SORCS1: variants seen among roughly 807,000 people sequenced by gnomAD.
The protein encoded by SORCS1 is VPS10 domain-containing receptor SorCS1.
In SORCS1, 60 loss-of-function variants were observed where a neutral mutation model predicts 146.1. That is an observed-to-expected ratio of 0.41 (90% CI 0.33 to 0.51). SORCS1 has a LOEUF of 0.51. Among genes scored for constraint, SORCS1 ranks in the 20% least tolerant of loss-of-function variants. SORCS1 has a pLI of 0.21. For missense variants in SORCS1, 1,352 were observed against 1,487.6 expected (o/e 0.91, Z 1.50); for synonymous variants, 637 against 584.0 (o/e 1.09, Z -1.31).
chr10:106,770,865 C>T (rs1250053122), intron 4 of SORCS1, among the ~76,000 whole-genome samples: 1 of 152,186 alleles, frequency 6.6e-6, no homozygotes, highest in Admixed American at 6.5e-5. Flanking sequence ...AGTTGTACTT[C>T]TTGCCTGTTT....
intron 3 of SORCS1, among the ~76,000 whole-genome samples, chr10:106,812,227 C>T (rs1460107163): frequency 6.6e-6 from 1 of 152,118 alleles, no homozygotes; most frequent in Non-Finnish European, 1.5e-5. Flanking sequence ...GTCTCGATCT[C>T]CTGACCTCAT....
intron 2 of SORCS1, among the ~76,000 whole-genome samples, chr10:106,954,408 C>A (rs778551936): frequency 6.6e-6 from 1 of 152,064 alleles, no homozygotes; most frequent in Non-Finnish European, 1.5e-5. Flanking sequence ...TAGGTGCGGG[C>A]TCCTTAATGC....
chr10:106,624,587 C>T (rs1026208528), intron 19 of SORCS1, among the ~76,000 whole-genome samples: 3 of 151,884 alleles, frequency 2.0e-5, no homozygotes, highest in Non-Finnish European at 4.4e-5. Context: ...TCTCGAATTT[C>T]CAATCTCAGG....
intron 2 of SORCS1, among the ~76,000 whole-genome samples, chr10:106,832,161 C>G (rs1288469869): frequency 1.3e-5 from 2 of 150,734 alleles, no homozygotes; most frequent in East Asian, 3.9e-4. Context: ...TCTTTCCTAG[C>G]CCAGTCCACT....
chr10:106,963,510 A>T (rs1390601640), intron 1 of SORCS1, among the ~76,000 whole-genome samples: 1 of 152,174 alleles, frequency 6.6e-6, no homozygotes, highest in East Asian at 1.9e-4. Context: ...CATGTTCCAG[A>T]TTGTGTGTCT....
intron 2 of SORCS1, among the ~76,000 whole-genome samples, chr10:106,880,816 C>G (rs576651954): frequency 6.6e-6 from 1 of 151,996 alleles, no homozygotes; most frequent in East Asian, 1.9e-4. Flanking sequence ...AAGCCGGGCA[C>G]GGTGGCTCAC....
At chr10:107,153,247 T>C (rs1369835987) in intron 1 of SORCS1, among the ~76,000 whole-genome samples, 1 of 152,172 alleles carries the variant, frequency 6.6e-6, no homozygotes, top group Non-Finnish European at 1.5e-5. Flanking sequence ...TAAACATCCT[T>C]ACTGTGGCCT....
chr10:106,639,677 T>G (rs761819870), intron 18 of SORCS1, among the ~76,000 whole-genome samples: 43 of 152,124 alleles, frequency 2.8e-4, no homozygotes, highest in Non-Finnish European at 4.4e-4. Context: ...AGGAATAACA[T>G]AGGAGAAAGC....
chr10:107,180,551 A>G, the SORCS1 span, among the ~76,000 whole-genome samples: 6 of 151,392 alleles, frequency 4.0e-5, no homozygotes, highest in South Asian at 2.1e-4. Context: ...TGGGTTGTCA[A>G]TTTTTTTATA....
chr10:107,021,450 C>G (rs1958129110), intron 1 of SORCS1, among the ~76,000 whole-genome samples: 1 of 127,726 alleles, frequency 7.8e-6, no homozygotes, highest in South Asian at 2.6e-4. Flanking sequence ...GGAGGCAGAA[C>G]TTGCAGTGAG....
At chr10:106,719,670 C>A (rs1395443902) in intron 6 of SORCS1, among the ~76,000 whole-genome samples, 1 of 152,126 alleles carries the variant, frequency 6.6e-6, no homozygotes, top group Non-Finnish European at 1.5e-5. Flanking sequence ...CTCGGCCTTC[C>A]AAAGTGCTGG....
At chr10:106,621,995 C>A (rs527961901) in intron 19 of SORCS1, among the ~76,000 whole-genome samples, 1 of 151,948 alleles carries the variant, frequency 6.6e-6, no homozygotes, top group Non-Finnish European at 1.5e-5. Context: ...TTAAGATTCC[C>A]GTGATTGGGA....
chr10:107,169,691 G>T (rs1022580695), upstream of SORCS1, among the ~76,000 whole-genome samples: 1 of 152,122 alleles, frequency 6.6e-6, no homozygotes, highest in Non-Finnish European at 1.5e-5. Context: ...CCAAAAGATA[G>T]GTAGGGGGCA....
chr10:106,756,447 A>G (rs1858647337), intron 5 of SORCS1, among the ~76,000 whole-genome samples: 1 of 152,208 alleles, frequency 6.6e-6, no homozygotes, highest in African/African-American at 2.4e-5. Context: ...TGGCAATGCT[A>G]GAAAGTAAAC....
At chr10:106,577,895 G>A (rs1844665342) in intron 25 of SORCS1, 1 of 208,572 alleles carries the variant, frequency 4.8e-6, no homozygotes, top group South Asian at 8.6e-5. Context: ...GACACCAGAT[G>A]TGACTGCAGT....
chr10:106,965,932 T>C (rs1955472018), intron 1 of SORCS1, among the ~76,000 whole-genome samples: 1 of 152,242 alleles, frequency 6.6e-6, no homozygotes, highest in Non-Finnish European at 1.5e-5. Flanking sequence ...TACTCTTTAC[T>C]GACCTCAAGT....
chr10:107,051,074 T>C (rs1169060383), intron 1 of SORCS1, among the ~76,000 whole-genome samples: 1 of 152,086 alleles, frequency 6.6e-6, no homozygotes, highest in Non-Finnish European at 1.5e-5. Flanking sequence ...CTACAATGGA[T>C]CAGGCACTCT....
intron 1 of SORCS1, among the ~76,000 whole-genome samples, chr10:107,108,498 T>C (rs1965458329): frequency 6.6e-6 from 1 of 151,964 alleles, no homozygotes; most frequent in Non-Finnish European, 1.5e-5. Context: ...TCAAAAGAAC[T>C]CACCCACTAC....
At chr10:107,177,238 T>C in the SORCS1 span, among the ~76,000 whole-genome samples, 1 of 152,204 alleles carries the variant, frequency 6.6e-6, no homozygotes, top group Non-Finnish European at 1.5e-5. Flanking sequence ...ACATTGTTTC[T>C]TTCTGCCTGT....
Sources: gnomAD v4.1 joint callset for allele counts (sites outside exome capture counted in the v4.1 genomes callset) on GRCh38, gnomAD v4.1.1 for gene constraint, MANE v1.5 for transcripts, NCBI Gene and HGNC (gene_info 2026-07-23, HGNC 2026-07-21) for gene names.